Variants in ZPR1 observed in about 807,000 individuals in gnomAD.
The protein encoded by ZPR1 is ZPR1 zinc finger.
A neutral mutation model predicts 59.6 loss-of-function variants in ZPR1; 37 were observed. The observed-to-expected ratio is 0.62, with a 90% confidence interval of 0.48 to 0.82. ZPR1 has a LOEUF of 0.82. Among genes scored for constraint, ZPR1 ranks in the 40% least tolerant of loss-of-function variants. The probability of loss-of-function intolerance (pLI) is 0.00; values close to 1 mark genes in which losing one functional copy is unlikely to be tolerated. For missense variants in ZPR1, 527 were observed against 579.9 expected, an observed-to-expected ratio of 0.91 and a Z score of 0.94; for synonymous variants, 191 against 215.2, an observed-to-expected ratio of 0.89 and a Z score of 0.99.
chr11:116,779,023 C>A lies in ZPR1; in HGVS notation c.1282G>T (p.Val428Leu), dbSNP rs765552059. 8.1e-6 allele frequency: 13 copies of A among 1,614,226 alleles called. No individual in the cohort carries two copies. The highest frequency in any genetic ancestry group is 1.1e-5 in the Non-Finnish European group (13 of 1,180,046). Residue 428 changes from valine to leucine, a missense_variant, in exon 14 of 14, where the codon GTG becomes TTG. Val to Leu is a conservative substitution (Grantham distance 32). Transcript: ENST00000227322. ...TCAAAGGTGCGCTTGTAACGCTCCACCTTCATCTCAGGATCATCTTCAGGC... is the reference window on the plus strand; with the variant it reads ...TCAAAGGTGCGCTTGTAACGCTCCAACTTCATCTCAGGATCATCTTCAGGC... ...YAPEDDPEMKVERYKRTFDQN... is the reference protein window; with the variant it reads ...YAPEDDPEMKLERYKRTFDQN...
chr11:116,787,581 A>C lies in ZPR1; in HGVS notation c.234T>G (p.Phe78Leu). 1 of 1,614,188 alleles carries C rather than the reference A, an allele frequency of 6.2e-7. No homozygotes were observed. Among genetic ancestry groups the C allele is most frequent in the Non-Finnish European group, 8.5e-7 (1 of 1,180,018 alleles). ...TGTTCCAGCCACAGTGCTCGCAGGAAAAGGAGCTCACTATTATTTCTCTGA... is the reference window on the plus strand; with the variant it reads ...TGTTCCAGCCACAGTGCTCGCAGGACAAGGAGCTCACTATTATTTCTCTGA... Reference protein sequence around the residue: ...PFFREIIVSSFSCEHCGWNNT... With the variant: ...PFFREIIVSSLSCEHCGWNNT... Residue 78 changes from phenylalanine (F) to leucine (L), a missense_variant, in exon 2 of 14, where the codon TTT becomes TTG. Physicochemically the swap from Phe to Leu is conservative, Grantham distance 22. Transcript: ENST00000227322.
intron 2 of ZPR1, 156 bp from the exon 3 acceptor site, chr11:116,787,215 T>C: frequency 1.4e-6 from 1 of 723,168 alleles, no homozygotes; most frequent in Non-Finnish European, 2.3e-6. Flanking sequence ...ATAGTACAGG[T>C]GGTGTGAGCC....
Position 116,783,008 on chromosome 11 carries a change from T to C in ZPR1, c.1003A>G (p.Ile335Val). The C allele has an allele frequency of 6.2e-7, 1 of 1,614,058 alleles. No individual in the cohort carries two copies. Among genetic ancestry groups the C allele is most frequent in the Non-Finnish European group, 8.5e-7 (1 of 1,179,922 alleles). Residue 335 changes from isoleucine (I) to valine (V), a missense_variant, in exon 11 of 14, where the codon ATC (isoleucine) becomes GTC (valine). Transcript: ENST00000227322. ...CCCAGTTCAAATTCTAGCTCTGGGA[T>C]TTCCACACTGCAAGTCTCAGACTGT... The part of the protein sequence containing the change: ...LLKSETCSVE[I>V]PELEFELGMA...
intron 7 of ZPR1, 78 bp downstream of exon 7, chr11:116,785,021 A>G (rs1940862760): frequency 1.2e-6 from 2 of 1,608,386 alleles, no homozygotes; most frequent in Non-Finnish European, 1.7e-6. Context: ...TGTTGGTGAC[A>G]AGGAAGACAG....
chr11:116,787,238 T>C (rs1940901743), intron 2 of ZPR1, 179 bp from the exon 3 acceptor site: 1 of 676,286 alleles, frequency 1.5e-6, no homozygotes, highest in South Asian at 1.8e-5. Flanking sequence ...GCTGTCCAAA[T>C]GGTGAGAATA....
chr11:116,787,949 AGCCCCCGGGG>A lies in ZPR1; in HGVS notation c.32_41del (p.Pro11LeufsTer39), dbSNP rs777422149. 2.9e-5 allele frequency: 42 copies of A among 1,464,862 alleles called. No individual in the cohort carries two copies. The highest frequency in any genetic ancestry group is 2.6e-5 in the Admixed American group (1 of 38,168). 90.7% of individuals were successfully genotyped at this position (1,464,862 alleles called of 1,614,324 possible). A position where few individuals can be genotyped will look rare whatever the true frequency, so the allele number is the denominator to read the frequency against. On this transcript the variant is annotated frameshift_variant, in exon 1 of 14. Transcript: ENST00000227322. LOFTEE classifies it high-confidence loss of function. Reference sequence around the variant, plus strand: ...CCGGGGCGGGCGACGGGGCGACGGCAGCCCCCGGGGGCCCTGGTTCCACAGCCCCGCTGGC... The same window carrying A: ...CCGGGGCGGGCGACGGGGCGACGGCAGCCCTGGTTCCACAGCCCCGCTGGC...
chr11:116,779,142 A>C, intron 13 of ZPR1, 83 bp from the exon 14 acceptor site: 3 of 1,564,982 alleles, frequency 1.9e-6, no homozygotes, highest in Non-Finnish European at 2.6e-6. Context: ...CCTTCCCAAG[A>C]ACAGAATGAG....
chr11:116,783,484 A>C, intron 10 of ZPR1, 46 bp downstream of exon 10: 4 of 1,502,168 alleles, frequency 2.7e-6, no homozygotes, highest in Non-Finnish European at 3.7e-6. Flanking sequence ...GAGACAGTTT[A>C]TCTAACTTAT....
chr11:116,779,219 C>G (rs1268631310), intron 13 of ZPR1, among the ~76,000 whole-genome samples, 160 bp from the exon 14 acceptor site: 2 of 152,166 alleles, frequency 1.3e-5, no homozygotes, highest in Non-Finnish European at 2.9e-5. Context: ...TGGGTAGCAA[C>G]AGAGCCCACA....
At chr11:116,781,477 A>T (rs567257128) in intron 12 of ZPR1, among the ~76,000 whole-genome samples, 1 of 152,346 alleles carries the variant, frequency 6.6e-6, no homozygotes, top group African/African-American at 2.4e-5. Context: ...CTATAGTACA[A>T]TGTCTTTACC....
chr11:116,786,183 T>C (rs916181300), intron 4 of ZPR1, among the ~76,000 whole-genome samples: 1 of 152,114 alleles, frequency 6.6e-6, no homozygotes. Context: ...AGGAGACAAA[T>C]AACTAAAGAT....
intron 3 of ZPR1, 68 bp downstream of exon 3, chr11:116,786,901 T>G (rs751789952): frequency 3.7e-4 from 488 of 1,310,330 alleles, no homozygotes; most frequent in South Asian, 6.6e-4. Flanking sequence ...CACCAGGGGG[T>G]TTTGCAAGAA....
intron 12 of ZPR1, 27 bp downstream of exon 12, chr11:116,782,131 A>C (rs1940816076): frequency 6.3e-7 from 1 of 1,592,374 alleles, no homozygotes; most frequent in South Asian, 1.1e-5. Context: ...CAGGATTCTA[A>C]GTACTGACTG....
intron 9 of ZPR1, among the ~76,000 whole-genome samples, chr11:116,783,945 G>C (rs1423142407): frequency 6.6e-6 from 1 of 151,086 alleles, no homozygotes; most frequent in Non-Finnish European, 1.5e-5. Flanking sequence ...TGCATCCAAT[G>C]TGTGGGTCTC....
chr11:116,784,505 A>T, intron 8 of ZPR1, 57 bp from the exon 9 acceptor site: 1 of 1,525,428 alleles, frequency 6.6e-7, no homozygotes, highest in East Asian at 2.3e-5. Flanking sequence ...CCATCTGGGG[A>T]AAAACAAAGC....
chr11:116,782,974 A>C lies in ZPR1; in HGVS notation c.1037T>G (p.Val346Gly). Reference sequence around the variant, plus strand: ...CAGTGTGGTGAACTTGCCCCCGAGGACTGCCATTCCCAGTTCAAATTCTAG... The same window carrying C: ...CAGTGTGGTGAACTTGCCCCCGAGGCCTGCCATTCCCAGTTCAAATTCTAG... ...PELEFELGMA[V>G]LGGKFTTLEG... The change falls in exon 11 of 14, where the codon GTC (valine) becomes GGC (glycine). Residue 346 changes from valine (V) to glycine (G), a missense_variant. Coordinates refer to ENST00000227322, the MANE Select transcript of ZPR1 (RefSeq NM_003904.5). 1 of 1,614,202 alleles carries C rather than the reference A, an allele frequency of 6.2e-7. No homozygotes were observed. The highest frequency in any genetic ancestry group is 8.5e-7 in the Non-Finnish European group (1 of 1,180,040).
In ZPR1 at chr11:116,784,488, A is replaced by G. The variant is rs371798997; in HGVS notation, c.821-40T>C. 3 of 1,586,928 alleles carry G rather than the reference A, an allele frequency of 1.9e-6. No individual in the cohort carries two copies. In the African/African-American group the frequency reaches 4.0e-5, roughly 21 times the overall value. On this transcript the variant is annotated intron_variant, in intron 8 of 13. Transcript: ENST00000227322. ...TAAGGAAATCTACTTCCAGGCGAAC[A>G]AGACCACCATCTGGGGAAAAACAAA... is the stretch of plus-strand genomic sequence containing the variant.
rs1940712183 is a variant in ZPR1 at position 116,775,616 on chromosome 11, A to G, written c.*3309T>C. ...GCACTCCAGTCTGGGCAACAGAGTG[A>G]GACTCCGTCTCAAAAAAAAAAAAAA... On this transcript the variant is annotated 3_prime_UTR_variant, in exon 14 of 14. Transcript: ENST00000227322. 7.3e-6 allele frequency: 1 copy of G among 136,222 alleles called. No individual in the cohort carries two copies. The highest frequency in any genetic ancestry group is 3.0e-5 in the African/African-American group (1 of 33,556). 8.4% of individuals were successfully genotyped at this position (136,222 alleles called of 1,614,324 possible). A position where few individuals can be genotyped will look rare whatever the true frequency, so the allele number is the denominator to read the frequency against.
rs2134191068 is a variant in ZPR1, at chr11:116,775,734, A to C, written c.*3191T>G. ...CTGTAAAATGGGGATAATTTTGTTT[A>C]TCCTAATTATCCCCATTTTACAGAC... On this transcript the variant is annotated 3_prime_UTR_variant, in exon 14 of 14. Transcript: ENST00000227322. 1 of 159,412 alleles carries C rather than the reference A, an allele frequency of 6.3e-6. No individual in the cohort carries two copies. The highest frequency in any genetic ancestry group is 2.2e-4 in the East Asian group (1 of 4,548). 9.9% of individuals were successfully genotyped at this position (159,412 alleles called of 1,614,324 possible).
Sources: gnomAD v4.1 joint callset for allele counts (sites outside exome capture counted in the v4.1 genomes callset) on GRCh38, gnomAD v4.1.1 for gene constraint, MANE v1.5 for transcripts, NCBI Gene and HGNC (gene_info 2026-07-23, HGNC 2026-07-21) for gene names.